TEX264: variants seen among roughly 807,000 people sequenced by gnomAD.
TEX264 encodes the protein testis expressed 264, ER-phagy receptor, also known as testis-expressed protein 264.
Under a neutral mutation model 23.4 loss-of-function variants are expected in TEX264, and 13 were observed. The observed-to-expected ratio is 0.56, with a 90% CI of 0.36 to 0.88. The LOEUF (loss-of-function observed/expected upper bound fraction) is 0.88. Among genes scored for constraint, TEX264 ranks in the 40% least tolerant of loss-of-function variants. The probability of loss-of-function intolerance (pLI) is 0.01; values close to 1 mark genes in which losing one functional copy is unlikely to be tolerated. For missense variants in TEX264, 340 were observed against 406.8 expected, an observed-to-expected ratio of 0.84 and a Z score of 1.41; for synonymous variants, 159 against 170.0, an observed-to-expected ratio of 0.94 and a Z score of 0.50.
intron 1 of TEX264, chr3:51,671,561 G>A (rs1483552509): frequency 6.4e-6 from 1 of 155,176 alleles, no homozygotes; most frequent in Non-Finnish European, 1.5e-5. Context: ...AGGGAAAGAG[G>A]CGCGAGTCGC....
At position 51,686,170 on chromosome 3, in the gene TEX264, C is replaced by T. The variant is rs1436966365; in HGVS notation, c.480+1536C>T. ...CTGGGCTGGTGGATATATTTGGGGA[C>T]ATCAGCCTGTTGGCAGTATTTGACC... On this transcript the variant is annotated intron_variant, in intron 3 of 4. Transcript: ENST00000341333. This position sits in a 1 kb window ranked among gnomAD's most constrained non-coding sequence, Gnocchi z 4.1. Among the ~76,000 whole-genome samples the T allele has an allele frequency of 6.6e-6, 1 of 152,174 alleles. No homozygotes were observed. The highest frequency in any genetic ancestry group is 1.5e-5 in the Non-Finnish European group (1 of 68,026).
At chr3:51,674,217 G>A in intron 1 of TEX264, 54 bp from the exon 2 acceptor site, 1 of 1,575,236 alleles carries the variant, frequency 6.3e-7, no homozygotes, top group Non-Finnish European at 8.6e-7. Flanking sequence ...CGGGCAAGTG[G>A]GCACATTGTC....
intron 2 of TEX264, among the ~76,000 whole-genome samples, chr3:51,679,715 T>C (rs1357384413): frequency 6.6e-6 from 1 of 152,162 alleles, no homozygotes; most frequent in Non-Finnish European, 1.5e-5. Context: ...TGGTCAGATA[T>C]CAGCTGTTTT....
At chr3:51,672,606 A>G (rs1351118492) in intron 1 of TEX264, among the ~76,000 whole-genome samples, 1 of 152,196 alleles carries the variant, frequency 6.6e-6, no homozygotes, top group African/African-American at 2.4e-5. Flanking sequence ...TTAATGCTTC[A>G]GGCGTTTTGG....
Position 51,686,617 on chromosome 3 carries a change from G to A in TEX264, c.480+1983G>A, listed in dbSNP as rs1702630248. ...AGTTTCCTTTGTGAGCTGGAGGGTG[G>A]TGGCCAAAAGGGGTGTGGGGCAGGA... is the stretch of plus-strand genomic sequence containing the variant. On this transcript the variant is annotated intron_variant, in intron 3 of 4. Coordinates refer to ENST00000341333, the MANE Select transcript of TEX264 (RefSeq NM_015926.6). This position sits in a 1 kb window ranked among gnomAD's most constrained non-coding sequence, Gnocchi z 4.1. Among the ~76,000 whole-genome samples the A allele has an allele frequency of 1.3e-5, 2 of 152,042 alleles. No individual in the cohort carries two copies. The highest frequency in any genetic ancestry group is 2.1e-4 in the South Asian group (1 of 4,824).
At chr3:51,693,992 TTCC>T (rs1702930625) in intron 3 of TEX264, among the ~76,000 whole-genome samples, 1 of 5,472 alleles carries the variant, frequency 1.8e-4, no homozygotes, top group African/African-American at 9.3e-4. Context: ...CTTTCTTTCC[TTCC>T]TTCCTTCCTT....
In TEX264 at chr3:51,699,538, C is replaced by T; in HGVS notation, c.613C>T (p.Leu205Phe). 1.2e-6 allele frequency: 2 copies of T among 1,613,998 alleles called. No homozygotes were observed. Among genetic ancestry groups the T allele is most frequent in the East Asian group, 2.2e-5 (1 of 44,872 alleles). The change falls in exon 4 of 5, where the codon CTT becomes TTT. Residue 205 changes from leucine to phenylalanine, a missense_variant. By Grantham distance (22) the Leu-to-Phe change is conservative. Coordinates refer to ENST00000341333, the MANE Select transcript of TEX264 (RefSeq NM_015926.6). ...GGAGACAGAGTGGAAATGGCGGGGG[C>T]TTGTGGAGGCCATTGACACCCAGGT... ...MKETEWKWRG[L>F]VEAIDTQVDG...
intron 2 of TEX264, 81 bp from the exon 3 acceptor site, chr3:51,684,332 T>A (rs1333439097): frequency 1.5e-6 from 2 of 1,314,226 alleles, no homozygotes; most frequent in Non-Finnish European, 2.2e-6. Context: ...TTAGGCCTGA[T>A]CTGGCACAGT....
chr3:51,675,241 T>G (rs1276833070), intron 2 of TEX264, among the ~76,000 whole-genome samples: 1 of 152,232 alleles, frequency 6.6e-6, no homozygotes, highest in Non-Finnish European at 1.5e-5. Context: ...CTGGCTGTTC[T>G]TACAACCTAT....
chr3:51,690,226 C>T (rs994515570), intron 3 of TEX264, among the ~76,000 whole-genome samples: 3 of 152,198 alleles, frequency 2.0e-5, no homozygotes, highest in Admixed American at 2.0e-4. Flanking sequence ...AACAAGGCCT[C>T]GGCCGGGGAA....
At chr3:51,692,354 T>A (rs1242914825) in intron 3 of TEX264, among the ~76,000 whole-genome samples, 14 of 152,124 alleles carry the variant, frequency 9.2e-5, no homozygotes, top group Admixed American at 9.2e-4. Context: ...GCAGAACAAC[T>A]TCTTCTTCAG....
rs138563355 is a variant in TEX264 at position 51,674,523 on chromosome 3, G to C, written c.219G>C (p.Lys73Asn). 1.9e-6 allele frequency: 3 copies of C among 1,614,178 alleles called. No homozygotes were observed. The highest frequency in any genetic ancestry group is 2.2e-5 in the East Asian group (1 of 44,874). ...LFTESCSISP[K>N]LRSIAVYYDN... ...CTGAGAGCTGCAGCATCTCTCCCAA[G>C]CTCCGCTCCATCGCTGTCTACTATG... The change falls in exon 2 of 5, where the codon AAG becomes AAC. Residue 73 changes from lysine to asparagine, a missense_variant. Lys to Asn is a moderately conservative substitution (Grantham distance 94). Coordinates refer to ENST00000341333, the MANE Select transcript of TEX264 (RefSeq NM_015926.6).
chr3:51,694,423 G>C (rs531970537), intron 3 of TEX264: 1 of 152,082 alleles, frequency 6.6e-6, no homozygotes, highest in African/African-American at 2.4e-5. Context: ...GAGCCACCGC[G>C]CCTGGCCAAA....
chr3:51,685,457 G>A (rs1167947138), intron 3 of TEX264, among the ~76,000 whole-genome samples: 1 of 152,194 alleles, frequency 6.6e-6, no homozygotes, highest in Admixed American at 6.5e-5. Flanking sequence ...ATAAATATCA[G>A]ACAAAAATAG....
Position 51,696,191 on chromosome 3 carries a change from G to A in TEX264, c.481-3215G>A, listed in dbSNP as rs556689861. Among the ~76,000 whole-genome samples the A allele has an allele frequency of 2.6e-5, 4 of 152,248 alleles. No individual in the cohort carries two copies. The South Asian group carries it at 6.2e-4, about 24-fold the overall frequency. On this transcript the variant is annotated intron_variant, in intron 3 of 4. Transcript: ENST00000341333. ...GCCAGTGGTGTCAGTGGCAGAGCAC[G>A]TTCTCATGTCCTGGCAATGCTTCCA...
At chr3:51,671,334 C>T (rs575120680) in intron 1 of TEX264, 46 bp downstream of exon 1, 1 of 152,292 alleles carries the variant, frequency 6.6e-6, no homozygotes, top group Non-Finnish European at 1.5e-5. Flanking sequence ...GGGCGTAGGT[C>T]TGGGACTCCC....
rs760939105 is a variant in TEX264 at position 51,703,986 on chromosome 3, G to T, written c.912G>T (p.Glu304Asp). Reference sequence around the variant, plus strand: ...TGGGGACTACCAAGTGGCTCTGGGAGCCCACTGCCCCTGAGAAGGGCAAGG... The same window carrying T: ...TGGGGACTACCAAGTGGCTCTGGGATCCCACTGCCCCTGAGAAGGGCAAGG... ...EPLGTTKWLWEPTAPEKGKE is the reference protein window; with the variant it reads ...EPLGTTKWLWDPTAPEKGKE The change falls in exon 5 of 5, where the codon GAG (glutamate) becomes GAT (aspartate). Residue 304 changes from glutamate to aspartate, a missense_variant. By Grantham distance (45) the Glu-to-Asp change is conservative. Transcript: ENST00000341333. This position sits in a 1 kb window ranked among gnomAD's most constrained non-coding sequence, Gnocchi z 4.8. 18 of 1,546,408 alleles carry T rather than the reference G, an allele frequency of 1.2e-5. No individual in the cohort carries two copies. The highest frequency in any genetic ancestry group is 1.7e-4 in the Middle Eastern group (1 of 5,718).
chr3:51,694,599 G>A (rs1235924353), intron 3 of TEX264: 1 of 152,172 alleles, frequency 6.6e-6, no homozygotes, highest in Non-Finnish European at 1.5e-5. Flanking sequence ...TTTCATACTT[G>A]GGCAAATTGA....
At position 51,674,464 on chromosome 3, in the gene TEX264, A is replaced by T; in HGVS notation, c.160A>T (p.Met54Leu). ...CGTCACTGTGGCCTACAAGTTCCAC[A>T]TGGGGCTCTATGGTGAGACTGGGCG... ...RNVTVAYKFH[M>L]GLYGETGRLF... is the part of the protein sequence containing the mutation. Residue 54 changes from methionine (M) to leucine (L), a missense_variant, in exon 2 of 5, where the codon ATG becomes TTG. Physicochemically the swap from Met to Leu is conservative, Grantham distance 15. Transcript: ENST00000341333. 6.2e-7 allele frequency: 1 copy of T among 1,614,170 alleles called. No individual in the cohort carries two copies. The highest frequency in any genetic ancestry group is 1.7e-5 in the Admixed American group (1 of 60,030).
Sources: allele counts gnomAD v4.1 joint callset (sites outside exome capture counted in the v4.1 genomes callset), GRCh38; gene constraint gnomAD v4.1.1; non-coding constraint Gnocchi (gnomAD v3.1); transcripts MANE v1.5; gene names NCBI Gene and HGNC (gene_info 2026-07-23, HGNC 2026-07-21).